The following KLHL3 variants were observed in gnomAD, a reference collection of about 807,000 sequenced individuals.
KLHL3 encodes the protein kelch-like protein 3.
KLHL3 carries 19 observed loss-of-function variants against 70.5 expected under a neutral mutation model. The observed-to-expected ratio is 0.27, with a 90% CI of 0.19 to 0.40. The LOEUF (loss-of-function observed/expected upper bound fraction) is 0.40, where lower values mean the gene tolerates loss of function less well. Among genes scored for constraint, KLHL3 ranks in the 10% least tolerant of loss-of-function variants. The probability of loss-of-function intolerance (pLI) is 1.00; values close to 1 mark genes in which losing one functional copy is unlikely to be tolerated. For missense variants in KLHL3, 512 were observed against 771.1 expected (o/e 0.66, Z 3.98); for synonymous variants, 258 against 290.3 (o/e 0.89, Z 1.13).
At chr5:137,701,037 C>CT (rs1209653870) in intron 3 of KLHL3, among the ~76,000 whole-genome samples, 45 of 147,178 alleles carry the variant, frequency 3.1e-4, no homozygotes, top group Middle Eastern at 3.5e-3. Flanking sequence ...ACTGGCATTT[C>CT]TTTTTTTTTT....
rs377616396 is a variant in KLHL3, at chr5:137,676,918, T to C, written c.636+627A>G. ...CTGTAATGCAGGGACAATAGTAATG[T>C]CTGCTTCACAGGGGTATGGTAGAGG... On this transcript the variant is annotated intron_variant, in intron 6 of 14. Coordinates refer to ENST00000309755, the MANE Select transcript of KLHL3 (RefSeq NM_017415.3). 2.0e-5 allele frequency among the ~76,000 whole-genome samples: 3 copies of C among 152,328 alleles called. No homozygotes were observed. In the South Asian group the frequency reaches 6.2e-4, roughly 32 times the overall value.
intron 5 of KLHL3, among the ~76,000 whole-genome samples, chr5:137,689,300 C>T (rs1752260225): frequency 6.6e-6 from 1 of 152,180 alleles, no homozygotes; most frequent in Admixed American, 6.5e-5. Context: ...AAAAATAGAA[C>T]CACCATTTGA....
chr5:137,652,754 G>C (rs1208850064), intron 8 of KLHL3, among the ~76,000 whole-genome samples: 1 of 152,084 alleles, frequency 6.6e-6, no homozygotes, highest in African/African-American at 2.4e-5. Flanking sequence ...ACAACGTGGT[G>C]ACTATAGTTA....
At chr5:137,687,181 C>T (rs1326958401) in intron 5 of KLHL3, among the ~76,000 whole-genome samples, 1 of 52,690 alleles carries the variant, frequency 1.9e-5, no homozygotes, top group African/African-American at 7.1e-5. Context: ...CGCCTCTGCC[C>T]GGCTGCCCCT....
intron 14 of KLHL3, 26 bp downstream of exon 14, chr5:137,625,727 T>C: frequency 6.2e-7 from 1 of 1,613,518 alleles, no homozygotes; most frequent in Non-Finnish European, 8.5e-7. Flanking sequence ...GCCTCTCGGA[T>C]GGGCATGGAG....
At chr5:137,657,520 T>C (rs1207632684) in intron 8 of KLHL3, among the ~76,000 whole-genome samples, 3 of 152,116 alleles carry the variant, frequency 2.0e-5, no homozygotes, top group Non-Finnish European at 4.4e-5. Flanking sequence ...CCATAAACTC[T>C]AGGTCTCTAG....
chr5:137,660,875 A>C (rs1373926437), intron 7 of KLHL3: 2 of 152,348 alleles, frequency 1.3e-5, no homozygotes, highest in Non-Finnish European at 2.9e-5. Context: ...AGGTTTAAAA[A>C]GGTTAAGCAT....
At position 137,658,060 on chromosome 5, in the gene KLHL3, G is replaced by A. The variant is rs564691930; in HGVS notation, c.903+71C>T. The A allele has an allele frequency of 5.5e-6, 8 of 1,456,972 alleles. No individual in the cohort carries two copies. The East Asian group carries it at 1.4e-4, about 25-fold the overall frequency. 90.3% of individuals were successfully genotyped at this position (1,456,972 alleles called of 1,614,324 possible). A position where few individuals can be genotyped will look rare whatever the true frequency, so the allele number is the denominator to read the frequency against. On this transcript the variant is annotated intron_variant, in intron 8 of 14. Coordinates refer to ENST00000309755, the MANE Select transcript of KLHL3 (RefSeq NM_017415.3). ...GCAGCCATGGGTGAGGAAAGACTTG[G>A]AGGCAGGAGTGGAAGGCCACTTTCC...
At chr5:137,638,341 T>A (rs1750821539) in intron 10 of KLHL3, among the ~76,000 whole-genome samples, 1 of 152,174 alleles carries the variant, frequency 6.6e-6, no homozygotes, top group African/African-American at 2.4e-5. Flanking sequence ...GAATATCATA[T>A]TAGTTTAATA....
chr5:137,670,271 C>T (rs1580747875), intron 6 of KLHL3, among the ~76,000 whole-genome samples: 2 of 152,228 alleles, frequency 1.3e-5, no homozygotes, highest in East Asian at 3.9e-4. Flanking sequence ...ACAGGGTCCA[C>T]AGCCCAGGGC....
intron 10 of KLHL3, 72 bp downstream of exon 10, chr5:137,638,881 G>A (rs1750835764): frequency 1.4e-6 from 2 of 1,441,250 alleles, no homozygotes. Flanking sequence ...TCCAGAACTG[G>A]CTGAATAAAA....
At chr5:137,707,054 T>C (rs757120287) in intron 3 of KLHL3, among the ~76,000 whole-genome samples, 1 of 152,072 alleles carries the variant, frequency 6.6e-6, no homozygotes, top group Admixed American at 6.5e-5. Flanking sequence ...TAATGAAGGA[T>C]GAACGGGAGT....
intron 3 of KLHL3, among the ~76,000 whole-genome samples, chr5:137,699,985 C>G (rs1031968523): frequency 6.6e-6 from 1 of 152,162 alleles, no homozygotes; most frequent in African/African-American, 2.4e-5. Context: ...AGAAAAGTAG[C>G]GGGGGAGACA....
At chr5:137,648,323 A>G (rs1474993589) in intron 8 of KLHL3, among the ~76,000 whole-genome samples, 3 of 152,266 alleles carry the variant, frequency 2.0e-5, no homozygotes, top group South Asian at 2.1e-4. Context: ...AAAGCAGGAC[A>G]GCCCAACTCA....
chr5:137,650,821 TAAAAAAAA>T (rs202115631), intron 8 of KLHL3, among the ~76,000 whole-genome samples: 1 of 118,346 alleles, frequency 8.4e-6, no homozygotes, highest in South Asian at 2.6e-4. Flanking sequence ...AAACTCCATC[TAAAAAAAA>T]AAAAAAAAAG....
At chr5:137,629,587 T>A (rs1247905803) in intron 12 of KLHL3, 1 of 152,240 alleles carries the variant, frequency 6.6e-6, no homozygotes, top group East Asian at 1.9e-4. Context: ...GGACTGTTTT[T>A]ACCTTGTCCT....
intron 12 of KLHL3, among the ~76,000 whole-genome samples, chr5:137,633,649 A>G (rs560314980): frequency 9.3e-4 from 142 of 152,330 alleles, no homozygotes; most frequent in African/African-American, 3.2e-3. Context: ...GAGTGAAATC[A>G]TGTCCTTTGC....
chr5:137,637,283 C>G lies in KLHL3; in HGVS notation c.1321+11G>C. 1 of 1,613,076 alleles carries G rather than the reference C, an allele frequency of 6.2e-7. No individual in the cohort carries two copies. Reference sequence around the variant, plus strand: ...GGTAGGCCTGGCCACTGGCCACTGCCGCCTCCTTACCCTCCACAACGCCCA... The same window carrying G: ...GGTAGGCCTGGCCACTGGCCACTGCGGCCTCCTTACCCTCCACAACGCCCA... On this transcript the variant is annotated intron_variant, in intron 11 of 14. Coordinates refer to ENST00000309755, the MANE Select transcript of KLHL3 (RefSeq NM_017415.3).
chr5:137,630,830 T>C (rs1010991594), intron 12 of KLHL3, among the ~76,000 whole-genome samples: 7 of 152,076 alleles, frequency 4.6e-5, no homozygotes, highest in Non-Finnish European at 8.8e-5. Context: ...TTCCAGGCAA[T>C]GGCCCCACGT....
Sources: allele counts gnomAD v4.1 joint callset (sites outside exome capture counted in the v4.1 genomes callset), GRCh38; gene constraint gnomAD v4.1.1; transcripts MANE v1.5; gene names NCBI Gene and HGNC (gene_info 2026-07-23, HGNC 2026-07-21).